ZNF385C: variants seen among roughly 807,000 people sequenced by gnomAD.
ZNF385C encodes zinc finger protein 385C, also known as CTD-2132N18.2.
Under a neutral mutation model 35.4 loss-of-function variants are expected in ZNF385C, and 28 were observed. The observed-to-expected ratio is 0.79, with a 90% CI of 0.59 to 1.08. The LOEUF is 1.08. ZNF385C is among the 50% of genes least tolerant of loss of function. The pLI, the probability that ZNF385C is intolerant of heterozygous loss-of-function variation, is 0.00. For synonymous variants in ZNF385C, 248 were observed against 248.2 expected, an observed-to-expected ratio of 1.00 and a Z score of 0.01; for missense variants, 605 against 595.6, an observed-to-expected ratio of 1.02 and a Z score of -0.16.
At chr17:42,064,705 C>T (rs1476150871) in intron 1 of ZNF385C, among the ~76,000 whole-genome samples, 1 of 152,104 alleles carries the variant, frequency 6.6e-6, no homozygotes, top group Non-Finnish European at 1.5e-5. Flanking sequence ...GCTGGGACTA[C>T]AGGTGTCCGC....
chr17:42,081,379 C>G (rs1255262969), intron 1 of ZNF385C, among the ~76,000 whole-genome samples: 7 of 152,036 alleles, frequency 4.6e-5, no homozygotes, highest in Non-Finnish European at 7.4e-5. Flanking sequence ...GATGTCCAAG[C>G]TCCGCCCCAG....
At chr17:42,094,489 C>G (rs782110129) in intron 1 of ZNF385C, among the ~76,000 whole-genome samples, 2 of 151,754 alleles carry the variant, frequency 1.3e-5, no homozygotes, top group Non-Finnish European at 2.9e-5. Context: ...AAGGGGTAGA[C>G]AGAGGAGGCA....
rs557454715 is a variant in ZNF385C, at chr17:42,095,504, C to A, written c.-3+2906G>T. On this transcript the variant is annotated intron_variant, in intron 1 of 8. Coordinates refer to ENST00000692273, the MANE Select transcript of ZNF385C (RefSeq NM_001392013.1). The surrounding 1 kb of genome is among the most constrained non-coding windows in gnomAD (Gnocchi z 4.4). ...CTAGCTTCCATCCCTCCTGCTGCTG[C>A]GGCCCCATTTAGCTCTCTCCTTGCT... 1.3e-5 allele frequency among the ~76,000 whole-genome samples: 2 copies of A among 152,252 alleles called. No homozygotes were observed. Among genetic ancestry groups the A allele is most frequent in the African/African-American group, 2.4e-5 (1 of 41,538 alleles).
chr17:42,026,329 A>G lies in ZNF385C; in HGVS notation c.*568T>C, dbSNP rs2052577795. The G allele has an allele frequency of 6.4e-6, 1 of 157,038 alleles. No individual in the cohort carries two copies. The allele number at this position is 157,038 out of a possible 1,614,324, so 9.7% of individuals were successfully genotyped here. On this transcript the variant is annotated 3_prime_UTR_variant, in exon 9 of 9. Coordinates refer to ENST00000692273, the MANE Select transcript of ZNF385C (RefSeq NM_001392013.1). ...GCAGATGAAGCCCCCAAAAGCTTTCAGAACCAGCCCCACTACCTCCTTGGC... is the reference window on the plus strand; with the variant it reads ...GCAGATGAAGCCCCCAAAAGCTTTCGGAACCAGCCCCACTACCTCCTTGGC...
intron 5 of ZNF385C, among the ~76,000 whole-genome samples, chr17:42,030,498 C>CA (rs1555654894): frequency 1.3e-5 from 2 of 151,662 alleles, no homozygotes; most frequent in African/African-American, 4.9e-5. Flanking sequence ...AAAAAACAAA[C>CA]AAACAAAACA....
intron 4 of ZNF385C, among the ~76,000 whole-genome samples, chr17:42,032,950 C>G (rs2052764317): frequency 6.6e-6 from 1 of 152,006 alleles, no homozygotes; most frequent in Non-Finnish European, 1.5e-5. Flanking sequence ...TCTCTAACTC[C>G]TGACCTCAAG....
intron 1 of ZNF385C, among the ~76,000 whole-genome samples, chr17:42,093,585 AT>A (rs34648348): frequency 0.11 from 16,211 of 142,972 alleles, 882 homozygotes; most frequent in South Asian, 0.18. Flanking sequence ...TATTTTATTT[AT>A]TTTTTTTTTT....
intron 2 of ZNF385C, among the ~76,000 whole-genome samples, chr17:42,046,592 C>A (rs752152855): frequency 6.6e-6 from 1 of 151,704 alleles, no homozygotes; most frequent in Non-Finnish European, 1.5e-5. Context: ...ATTGTGAGAA[C>A]CTGTCTCAAA....
intron 1 of ZNF385C, among the ~76,000 whole-genome samples, chr17:42,081,885 GC>G (rs2053753336): frequency 6.6e-6 from 1 of 152,184 alleles, no homozygotes. Flanking sequence ...CTGGGGTGAG[GC>G]CCAGCATCAA....
chr17:42,028,670 T>C (rs1567982955), intron 6 of ZNF385C, 113 bp downstream of exon 6: 1 of 1,326,898 alleles, frequency 7.5e-7, no homozygotes. Context: ...GCACAAAGCC[T>C]CCGCCATCCA....
At position 42,095,235 on chromosome 17, in the gene ZNF385C, G is replaced by T. The variant is rs2143964523; in HGVS notation, c.-3+3175C>A. 6.6e-6 allele frequency among the ~76,000 whole-genome samples: 1 copy of T among 152,288 alleles called. No individual in the cohort carries two copies. ...GTTTCATGCCTCTTCTGAACAGACGGTGTGTCCAGGTGCCACAGGGCACTT... is the reference window on the plus strand; with the variant it reads ...GTTTCATGCCTCTTCTGAACAGACGTTGTGTCCAGGTGCCACAGGGCACTT... On this transcript the variant is annotated intron_variant, in intron 1 of 8. Transcript: ENST00000692273. This position sits in a 1 kb window ranked among gnomAD's most constrained non-coding sequence, Gnocchi z 4.4.
At chr17:42,068,427 C>T (rs2143884931) in intron 1 of ZNF385C, among the ~76,000 whole-genome samples, 1 of 151,352 alleles carries the variant, frequency 6.6e-6, no homozygotes, top group East Asian at 1.9e-4. Context: ...CTTCGCCCCC[C>T]AGCTGCTTAC....
In ZNF385C at chr17:42,095,881, G is replaced by A. The variant is rs1555660910; in HGVS notation, c.-3+2529C>T. Among the ~76,000 whole-genome samples the A allele has an allele frequency of 6.6e-6, 1 of 151,998 alleles. No individual in the cohort carries two copies. Among genetic ancestry groups the A allele is most frequent in the East Asian group, 1.9e-4 (1 of 5,186 alleles). ...AACACTCACAGGGCCTGGGGCAAGGGGACAAATGGCGGCCCACAGACATAT... is the reference window on the plus strand; with the variant it reads ...AACACTCACAGGGCCTGGGGCAAGGAGACAAATGGCGGCCCACAGACATAT... On this transcript the variant is annotated intron_variant, in intron 1 of 8. Coordinates refer to ENST00000692273, the MANE Select transcript of ZNF385C (RefSeq NM_001392013.1). The surrounding 1 kb of genome is among the most constrained non-coding windows in gnomAD (Gnocchi z 4.4).
At chr17:42,073,126 C>G (rs1282992775) in intron 1 of ZNF385C, among the ~76,000 whole-genome samples, 1 of 152,204 alleles carries the variant, frequency 6.6e-6, no homozygotes, top group Non-Finnish European at 1.5e-5. Flanking sequence ...CCCCATTTTA[C>G]AGACCAGGAA....
intron 1 of ZNF385C, among the ~76,000 whole-genome samples, chr17:42,080,642 C>A (rs1555659645): frequency 1.3e-5 from 2 of 152,188 alleles, no homozygotes; most frequent in Non-Finnish European, 1.5e-5. Flanking sequence ...GGCCAGGGAG[C>A]AGCTGCTGAC....
At chr17:42,088,485 C>T (rs1021240622) in intron 1 of ZNF385C, among the ~76,000 whole-genome samples, 3 of 152,254 alleles carry the variant, frequency 2.0e-5, no homozygotes, top group African/African-American at 7.2e-5. Flanking sequence ...TCTGTTTCAC[C>T]GCCAGGTCTG....
At chr17:42,042,359 T>C (rs1555656215) in intron 2 of ZNF385C, among the ~76,000 whole-genome samples, 1 of 152,102 alleles carries the variant, frequency 6.6e-6, no homozygotes, top group East Asian at 1.9e-4. Context: ...CCGTCTCTAC[T>C]AAAAATACAA....
intron 2 of ZNF385C, among the ~76,000 whole-genome samples, chr17:42,045,829 A>T (rs1306380714): frequency 6.6e-6 from 1 of 152,066 alleles, no homozygotes; most frequent in Non-Finnish European, 1.5e-5. Context: ...CTTTACTGAT[A>T]TCCCACTGCC....
At chr17:42,043,272 G>A (rs1479087283) in intron 2 of ZNF385C, 6 of 1,232,174 alleles carry the variant, frequency 4.9e-6, no homozygotes, top group Non-Finnish European at 6.1e-6. Context: ...CATAGTCAAA[G>A]TCCAGCCAGG....
Sources: allele counts gnomAD v4.1 joint callset (sites outside exome capture counted in the v4.1 genomes callset), GRCh38; gene constraint gnomAD v4.1.1; non-coding constraint Gnocchi (gnomAD v3.1); transcripts MANE v1.5; gene names NCBI Gene and HGNC (gene_info 2026-07-23, HGNC 2026-07-21).